Variants in KCNJ1 observed in about 807,000 individuals in gnomAD.
KCNJ1 encodes the protein potassium inwardly rectifying channel subfamily J member 1, also known as ATP-sensitive inward rectifier potassium channel 1.
In KCNJ1, 24 loss-of-function variants were observed where a neutral mutation model predicts 21.9. The ratio of observed to expected loss-of-function variants is 1.10; its 90% CI spans 0.79 to 1.54. KCNJ1 has a LOEUF of 1.54. Among genes scored for constraint, KCNJ1 ranks in the 40% most tolerant of loss-of-function variants. The pLI, the probability that KCNJ1 is intolerant of heterozygous loss-of-function variation, is 0.00. For synonymous variants in KCNJ1, 152 were observed against 160.9 expected, an observed-to-expected ratio of 0.94 and a Z score of 0.42; for missense variants, 457 against 455.4, an observed-to-expected ratio of 1.00 and a Z score of -0.03.
At chr11:128,857,881 AT>A in intron 1 of KCNJ1, among the ~76,000 whole-genome samples, 1 of 152,320 alleles carries the variant, frequency 6.6e-6, no homozygotes, top group Middle Eastern at 3.4e-3. Flanking sequence ...TTTGAACTCA[AT>A]ATTGTGCCTG....
chr11:128,866,005 C>G (rs1052025673), intron 1 of KCNJ1, among the ~76,000 whole-genome samples: 1 of 152,176 alleles, frequency 6.6e-6, no homozygotes, highest in Non-Finnish European at 1.5e-5. Context: ...AGAAATCCAC[C>G]TTCATGACTT....
chr11:128,850,784 AC>A lies in KCNJ1; in HGVS notation c.-86del, dbSNP rs1943467131. The A allele has an allele frequency of 2.0e-6, 2 of 985,252 alleles. No homozygotes were observed. The highest frequency in any genetic ancestry group is 6.1e-5 in the Admixed American group (1 of 16,268). The allele number at this position is 985,252 out of a possible 1,614,324, so 61.0% of individuals were successfully genotyped here. A position where few individuals can be genotyped will look rare whatever the true frequency, so the allele number is the denominator to read the frequency against. On this transcript the variant is annotated 5_prime_UTR_variant, in exon 2 of 3. It introduces an in-frame stop codon into an upstream open reading frame of the 5' UTR. Transcript: ENST00000392666. ...TCATGTATAAGTAGATCTTGGGGTGACCAGCAAGAGCTGCTTGGTTTGGGAT... is the reference window on the plus strand; with the variant it reads ...TCATGTATAAGTAGATCTTGGGGTGACAGCAAGAGCTGCTTGGTTTGGGAT...
At chr11:128,845,582 C>G (rs1178801934) in intron 2 of KCNJ1, among the ~76,000 whole-genome samples, 1 of 152,166 alleles carries the variant, frequency 6.6e-6, no homozygotes, top group Non-Finnish European at 1.5e-5. Context: ...CTGTAGTAGA[C>G]AGAGAGTGGC....
In KCNJ1 at chr11:128,839,666, C is replaced by G. The variant is rs150299230; in HGVS notation, c.578G>C (p.Arg193Pro). ...KRGGKLCLLI[R>P]VANLRKSLLI... The stretch of plus-strand genomic sequence containing the variant: ...AAGGCTCTTCCTGAGATTAGCCACT[C>G]GGATTAGGAGGCAAAGCTTCCCTCC... Residue 193 changes from arginine to proline, a missense_variant, in exon 3 of 3, where the codon CGA becomes CCA. Transcript: ENST00000392666. The G allele has an allele frequency of 4.3e-6, 7 of 1,613,342 alleles. No homozygotes were observed. The highest frequency in any genetic ancestry group is 2.7e-5 in the African/African-American group (2 of 74,868).
chr11:128,847,238 G>A (rs1482044775), intron 2 of KCNJ1, among the ~76,000 whole-genome samples: 2 of 152,066 alleles, frequency 1.3e-5, no homozygotes, highest in South Asian at 2.1e-4. Flanking sequence ...TCAGTGAGAC[G>A]CCCCATGATT....
rs1421340175 is a variant in KCNJ1 at position 128,867,157 on chromosome 11, G to A, written c.-192+16C>T. 1 of 152,052 alleles carries A rather than the reference G, an allele frequency of 6.6e-6. No individual in the cohort carries two copies. Among genetic ancestry groups the A allele is most frequent in the African/African-American group, 2.4e-5 (1 of 41,392 alleles). 9.4% of individuals were successfully genotyped at this position (152,052 alleles called of 1,614,324 possible). A position where few individuals can be genotyped will look rare whatever the true frequency, so the allele number is the denominator to read the frequency against. ...CTTTTTCCTACAAAGAGACAATGAG[G>A]TGTTTCTCCTCTTACCTCATGGATT... On this transcript the variant is annotated intron_variant, in intron 1 of 2. Transcript: ENST00000392666.
intron 1 of KCNJ1, among the ~76,000 whole-genome samples, chr11:128,866,307 A>G (rs990957112): frequency 9.2e-5 from 14 of 152,230 alleles, no homozygotes; most frequent in African/African-American, 3.4e-4. Flanking sequence ...TACAACCAGC[A>G]GATCAAAAGC....
intron 1 of KCNJ1, among the ~76,000 whole-genome samples, chr11:128,864,906 G>A (rs1257484216): frequency 2.0e-5 from 3 of 152,042 alleles, no homozygotes; most frequent in Non-Finnish European, 4.4e-5. Context: ...TGTGCAGGCA[G>A]AGCAACTCTT....
At chr11:128,866,306 C>A (rs959181350) in intron 1 of KCNJ1, among the ~76,000 whole-genome samples, 2 of 152,196 alleles carry the variant, frequency 1.3e-5, no homozygotes, top group African/African-American at 4.8e-5. Flanking sequence ...GTACAACCAG[C>A]AGATCAAAAG....
chr11:128,859,466 C>T (rs966359791), intron 1 of KCNJ1, among the ~76,000 whole-genome samples: 2 of 152,184 alleles, frequency 1.3e-5, no homozygotes, highest in Admixed American at 1.3e-4. Context: ...CCAGGCTGGC[C>T]TTGAACTCCT....
At chr11:128,843,230 G>A (rs748259420) in intron 2 of KCNJ1, among the ~76,000 whole-genome samples, 3 of 152,114 alleles carry the variant, frequency 2.0e-5, no homozygotes, top group Non-Finnish European at 2.9e-5. Flanking sequence ...TTTAGATAAT[G>A]GCATTTAATC....
At chr11:128,860,214 G>A (rs1217423704) in intron 1 of KCNJ1, among the ~76,000 whole-genome samples, 1 of 152,246 alleles carries the variant, frequency 6.6e-6, no homozygotes, top group African/African-American at 2.4e-5. Flanking sequence ...CAGTGCTTGG[G>A]AGAATCCGGA....
At chr11:128,858,912 G>C (rs931120302) in intron 1 of KCNJ1, among the ~76,000 whole-genome samples, 1 of 152,178 alleles carries the variant, frequency 6.6e-6, no homozygotes, top group Admixed American at 6.5e-5. Context: ...ATGTGACTTT[G>C]GCACAGACCT....
intron 1 of KCNJ1, among the ~76,000 whole-genome samples, chr11:128,860,223 G>C (rs1201559307): frequency 1.3e-5 from 2 of 152,254 alleles, no homozygotes; most frequent in Non-Finnish European, 2.9e-5. Flanking sequence ...GGAGAATCCG[G>C]ATGGATGAGC....
At chr11:128,853,774 CTTG>C (rs1396710283) in intron 1 of KCNJ1, among the ~76,000 whole-genome samples, 8 of 152,236 alleles carry the variant, frequency 5.3e-5, no homozygotes, top group Admixed American at 2.0e-4. Flanking sequence ...CCTTTGGGCC[CTTG>C]TTGGAACCTC....
In KCNJ1 at chr11:128,840,274, C is replaced by T. The variant is rs2135941223; in HGVS notation, c.-21-10G>A. On this transcript the variant is annotated splice_polypyrimidine_tract_variant and intron_variant, in intron 2 of 2. Transcript: ENST00000392666. ...CTGTCAACACCCTGATCTGAAAACA[C>T]ATCAAAGAAAAACAAAAAAGGATTA... 1 of 1,613,932 alleles carries T rather than the reference C, an allele frequency of 6.2e-7. No homozygotes were observed. The highest frequency in any genetic ancestry group is 8.5e-7 in the Non-Finnish European group (1 of 1,179,842).
rs1411280373 is a variant in KCNJ1 at position 128,839,642 on chromosome 11, A to C, written c.602T>G (p.Leu201Arg). 2 of 1,613,774 alleles carry C rather than the reference A, an allele frequency of 1.2e-6. No individual in the cohort carries two copies. Among genetic ancestry groups the C allele is most frequent in the Non-Finnish European group, 1.7e-6 (2 of 1,180,012 alleles). ...LIRVANLRKS[L>R]LIGSHIYGKL... is the part of the protein sequence containing the mutation. ...TCCATAAATGTGACTGCCAATAAGA[A>C]GGCTCTTCCTGAGATTAGCCACTCG... The change falls in exon 3 of 3, where the codon CTT becomes CGT. Residue 201 changes from leucine (L) to arginine (R), a missense_variant. By Grantham distance (102) the Leu-to-Arg change is moderately radical. Coordinates refer to ENST00000392666, the MANE Select transcript of KCNJ1 (RefSeq NM_153766.3).
chr11:128,866,222 C>G (rs1943813248), intron 1 of KCNJ1, among the ~76,000 whole-genome samples: 1 of 152,206 alleles, frequency 6.6e-6, no homozygotes, highest in Non-Finnish European at 1.5e-5. Flanking sequence ...ACCAAAGATT[C>G]TAACTGCCCT....
chr11:128,856,743 A>G (rs1335263337), intron 1 of KCNJ1, among the ~76,000 whole-genome samples: 1 of 151,992 alleles, frequency 6.6e-6, no homozygotes, highest in Non-Finnish European at 1.5e-5. Context: ...CTCACCTCAC[A>G]CGCAATCCAT....
Sources: gnomAD v4.1 joint callset for allele counts (sites outside exome capture counted in the v4.1 genomes callset) on GRCh38, gnomAD v4.1.1 for gene constraint, MANE v1.5 for transcripts, NCBI Gene and HGNC (gene_info 2026-07-23, HGNC 2026-07-21) for gene names.